The following LYZL1 variants were observed in gnomAD, a reference collection of about 807,000 sequenced individuals.
LYZL1 encodes lysozyme-like protein 1.
LYZL1 carries 16 observed loss-of-function variants against 17.9 expected under a neutral mutation model. The ratio of observed to expected loss-of-function variants is 0.90; its 90% CI spans 0.61 to 1.36. The LOEUF is 1.36. Among genes scored for constraint, LYZL1 ranks in the 40% most tolerant of loss-of-function variants. The pLI is 0.00. For synonymous variants in LYZL1, 58 were observed against 71.8 expected (o/e 0.81, Z 0.97); for missense variants, 149 against 188.4 (o/e 0.79, Z 1.22).
chr10:29,315,205 A>AT (rs1835715186), downstream of LYZL1, among the ~76,000 whole-genome samples: 6 of 152,122 alleles, frequency 3.9e-5, no homozygotes, highest in Admixed American at 2.0e-4. Flanking sequence ...AATACACTAT[A>AT]TTTTTTTGAT....
intron 3 of LYZL1, among the ~76,000 whole-genome samples, chr10:29,316,269 G>C (rs1835728812): frequency 6.6e-6 from 1 of 152,180 alleles, no homozygotes; most frequent in African/African-American, 2.4e-5. Flanking sequence ...GATTCCACAA[G>C]TGCAGGGAAA....
chr10:29,292,429 G>A (rs1346173672), intron 2 of LYZL1, 90 bp from the exon 3 acceptor site: 9 of 1,548,616 alleles, frequency 5.8e-6, no homozygotes, highest in African/African-American at 2.7e-5. Context: ...AAGCAGTCAG[G>A]TAACAAGGAT....
chr10:29,313,428 T>A (rs1449472580), downstream of LYZL1, among the ~76,000 whole-genome samples: 1 of 152,214 alleles, frequency 6.6e-6, no homozygotes, highest in Non-Finnish European at 1.5e-5. Context: ...ATGAGCTAAG[T>A]TAGCATGAAC....
chr10:29,317,718 T>G (rs2132845855), intron 4 of LYZL1, among the ~76,000 whole-genome samples: 1 of 152,282 alleles, frequency 6.6e-6, no homozygotes, highest in African/African-American at 2.4e-5. Context: ...ACAGCCATGG[T>G]AAGGACTAGC....
At chr10:29,318,184 A>G in exon 5 of LYZL1, 1 of 985,338 alleles carries the variant, frequency 1.0e-6, no homozygotes, top group Non-Finnish European at 1.2e-6. Flanking sequence ...ACTACAAGGG[A>G]AAAAGTTAAA....
In LYZL1 at chr10:29,291,690, C is replaced by A. The variant is rs570116058; in HGVS notation, c.-25-153C>A. On this transcript the variant is annotated intron_variant, in intron 1 of 4. Coordinates refer to ENST00000649382, the MANE Select transcript of LYZL1 (RefSeq NM_032517.6). Reference sequence around the variant, plus strand: ...AAACAGCCTTCAGTTGCCTTCCTTCCCTGGACCGTAGAGTGGCCGGTTTTC... The same window carrying A: ...AAACAGCCTTCAGTTGCCTTCCTTCACTGGACCGTAGAGTGGCCGGTTTTC... Among the ~76,000 whole-genome samples, 113 of 151,946 alleles carry A rather than the reference C, an allele frequency of 7.4e-4. 2 individuals carry two copies. The highest frequency in any genetic ancestry group is 1.5e-3 in the Non-Finnish European group (99 of 67,898).
At chr10:29,307,902 A>G (rs1030743954) in intron 3 of LYZL1, among the ~76,000 whole-genome samples, 2 of 152,168 alleles carry the variant, frequency 1.3e-5, no homozygotes, top group African/African-American at 4.8e-5. Context: ...ACATGCTGCT[A>G]TGTTGGTTTC....
At chr10:29,292,850 T>C (rs1431114064) in intron 3 of LYZL1, among the ~76,000 whole-genome samples, 173 bp downstream of exon 3, 2 of 152,220 alleles carry the variant, frequency 1.3e-5, no homozygotes, top group African/African-American at 4.8e-5. Flanking sequence ...CAGGATCCTG[T>C]GGCTGACTTC....
Position 29,291,984 on chromosome 10 carries a change from C to A in LYZL1, c.117C>A (p.Tyr39Ter), listed in dbSNP as rs1487632955. The A allele has an allele frequency of 6.6e-7, 1 of 1,517,888 alleles. No homozygotes were observed. The allele number at this position is 1,517,888 out of a possible 1,614,324, so 94.0% of individuals were successfully genotyped here. A position where few individuals can be genotyped will look rare whatever the true frequency, so the allele number is the denominator to read the frequency against. The change falls in exon 2 of 5, where the codon TAC (tyrosine) becomes TAA (stop). Residue 39 changes from tyrosine (Y) to a stop codon, truncating the protein, a stop_gained. Transcript: ENST00000649382. LOFTEE classifies it high-confidence loss of function. ...TCTCGAGGGCTGGCCTGGACAATTA[C>A]TGGGGCTTCAGCCTTGGAAACTGTG... ...KIFSRAGLDNYWGFSLGNWIC... is the reference protein window; with the variant it reads ...KIFSRAGLDN
At chr10:29,292,079 C>T (rs556800411) in intron 2 of LYZL1, 73 bp downstream of exon 2, 101 of 1,538,212 alleles carry the variant, frequency 6.6e-5, no homozygotes, top group African/African-American at 3.7e-4. Context: ...CCTGGCCACA[C>T]TCCCTGCTGT....
intron 3 of LYZL1, among the ~76,000 whole-genome samples, chr10:29,307,196 A>G (rs778532618): frequency 6.6e-6 from 1 of 152,140 alleles, no homozygotes; most frequent in Non-Finnish European, 1.5e-5. Flanking sequence ...ATAATTAACT[A>G]TGGTCACCAT....
At chr10:29,307,821 G>A (rs1564393429) in intron 3 of LYZL1, among the ~76,000 whole-genome samples, 1 of 152,104 alleles carries the variant, frequency 6.6e-6, no homozygotes, top group African/African-American at 2.4e-5. Flanking sequence ...CATCATGACT[G>A]TTTCCTTAGG....
chr10:29,311,801 A>ACT (rs1835675901), downstream of LYZL1, among the ~76,000 whole-genome samples: 1 of 151,440 alleles, frequency 6.6e-6, no homozygotes, highest in Admixed American at 6.6e-5. Flanking sequence ...AACATGGAGA[A>ACT]ACCCCGTCTC....
At chr10:29,314,967 G>T (rs1050181746), downstream of LYZL1, among the ~76,000 whole-genome samples, 1 of 152,084 alleles carries the variant, frequency 6.6e-6, no homozygotes, top group African/African-American at 2.4e-5. Context: ...CTTCACCTGT[G>T]TTCCACACAG....
intron 3 of LYZL1, among the ~76,000 whole-genome samples, chr10:29,306,270 G>C (rs1835587935): frequency 7.3e-6 from 1 of 137,696 alleles, no homozygotes; most frequent in East Asian, 1.9e-4. Flanking sequence ...AAGGAACTTG[G>C]CCGGGCGCGG....
intron 3 of LYZL1, among the ~76,000 whole-genome samples, chr10:29,306,276 C>T (rs1414697783): frequency 2.9e-5 from 4 of 137,496 alleles, no homozygotes; most frequent in Admixed American, 1.4e-4. Context: ...CTTGGCCGGG[C>T]GCGGTGGCTC....
intron 1 of LYZL1, among the ~76,000 whole-genome samples, chr10:29,291,281 G>A (rs1455201816): frequency 6.6e-6 from 1 of 152,090 alleles, no homozygotes; most frequent in Non-Finnish European, 1.5e-5. Flanking sequence ...AAAAGAATAA[G>A]GAAGAGAAGA....
At chr10:29,293,721 C>T (rs577896782) in intron 3 of LYZL1, among the ~76,000 whole-genome samples, 59 of 152,030 alleles carry the variant, frequency 3.9e-4, no homozygotes, top group Admixed American at 1.2e-3. Flanking sequence ...GCCTGTAATC[C>T]CAGCACTTTG....
intron 3 of LYZL1, among the ~76,000 whole-genome samples, chr10:29,306,278 C>T (rs1588662533): frequency 1.5e-5 from 2 of 137,456 alleles, no homozygotes; most frequent in African/African-American, 2.7e-5. Context: ...TGGCCGGGCG[C>T]GGTGGCTCAC....
Sources: gnomAD v4.1 joint callset for allele counts (sites outside exome capture counted in the v4.1 genomes callset) on GRCh38, gnomAD v4.1.1 for gene constraint, MANE v1.5 for transcripts, NCBI Gene and HGNC (gene_info 2026-07-23, HGNC 2026-07-21) for gene names.